The following NBDY variants were observed in gnomAD, a reference collection of about 807,000 sequenced individuals.
NBDY encodes P-body dissociating protein.
chrX:56,745,677 G>A (rs1334079739), intron 2 of NBDY, among the ~76,000 whole-genome samples: 1 of 110,919 alleles, frequency 9.0e-6, no homozygotes, highest in African/African-American at 3.3e-5. Flanking sequence ...GTCATGCATT[G>A]TATTTAGTTG....
At position 56,729,501 on chromosome X, in the gene NBDY, T is replaced by C; in HGVS notation, c.148T>C (p.Ser50Pro). 1 of 297,826 alleles carries C rather than the reference T, an allele frequency of 3.4e-6. No homozygotes were observed. Among genetic ancestry groups the C allele is most frequent in the Non-Finnish European group, 5.9e-6 (1 of 170,308 alleles). 24.5% of individuals were successfully genotyped at this position (297,826 alleles called of 1,213,427 possible). The change falls in exon 1 of 3, where the codon TCC (serine) becomes CCC (proline). Residue 50 changes from serine to proline, a missense_variant. Physicochemically the swap from Ser to Pro is moderately conservative, Grantham distance 74. Coordinates refer to ENST00000374922, the MANE Select transcript of NBDY (RefSeq NM_001348129.2). ...CAACGGAGGTAGTACCACTCTACCCTCCGCACCTCCTCCTGCATCAGCCGG... is the reference window on the plus strand; with the variant it reads ...CAACGGAGGTAGTACCACTCTACCCCCCGCACCTCCTCCTGCATCAGCCGG... ...TPNGGSTTLP[S>P]APPPASAGLK...
At chrX:56,807,211 C>G (rs955683165) in intron 2 of NBDY, among the ~76,000 whole-genome samples, 2 of 112,156 alleles carry the variant, frequency 1.8e-5, no homozygotes, top group African/African-American at 6.5e-5. Flanking sequence ...GTTTTGGTTA[C>G]TGTAGCCTTG....
chrX:56,753,522 T>G (rs138345916), intron 2 of NBDY, among the ~76,000 whole-genome samples: 1 of 111,064 alleles, frequency 9.0e-6, no homozygotes, highest in African/African-American at 3.3e-5. Context: ...TAGATGAGAG[T>G]TGAAGCCATG....
chrX:56,735,789 C>T (rs759019845), intron 2 of NBDY, among the ~76,000 whole-genome samples: 3 of 111,381 alleles, frequency 2.7e-5, no homozygotes, highest in African/African-American at 6.5e-5. Flanking sequence ...CTAGACAGTC[C>T]GTCTTTTCTG....
chrX:56,792,894 A>G (rs967973218), intron 2 of NBDY, among the ~76,000 whole-genome samples: 3 of 111,355 alleles, frequency 2.7e-5, no homozygotes, highest in African/African-American at 9.8e-5. Context: ...TCCTGGGTCA[A>G]GCTGCTTAAA....
intron 2 of NBDY, among the ~76,000 whole-genome samples, chrX:56,754,243 A>C (rs1251442678): frequency 9.0e-6 from 1 of 111,647 alleles, no homozygotes; most frequent in Admixed American, 9.5e-5. Context: ...ATAGTTGGAG[A>C]CTTAAATACC....
chrX:56,792,128 G>A (rs1222766903), intron 2 of NBDY, among the ~76,000 whole-genome samples: 1 of 111,071 alleles, frequency 9.0e-6, no homozygotes, highest in African/African-American at 3.3e-5. Flanking sequence ...CACTAGGCCT[G>A]GAGAAAGCTT....
At chrX:56,809,260 G>A (rs2069872406) in intron 2 of NBDY, among the ~76,000 whole-genome samples, 1 of 111,964 alleles carries the variant, frequency 8.9e-6, no homozygotes, top group South Asian at 3.7e-4. Context: ...TTCTGTAGAT[G>A]TCTATTAGGT....
intron 2 of NBDY, among the ~76,000 whole-genome samples, chrX:56,794,460 C>T (rs1390711154): frequency 2.7e-5 from 3 of 111,942 alleles, no homozygotes; most frequent in Non-Finnish European, 5.6e-5. Flanking sequence ...ACCCACCTCA[C>T]CTATAGCAGG....
intron 2 of NBDY, among the ~76,000 whole-genome samples, chrX:56,801,067 G>A (rs1387738384): frequency 8.9e-6 from 1 of 111,902 alleles, no homozygotes. Flanking sequence ...CTGCACCTCT[G>A]TCCTCTGTAG....
chrX:56,741,802 CTGTT>C (rs755187149), intron 2 of NBDY, among the ~76,000 whole-genome samples: 2 of 111,093 alleles, frequency 1.8e-5, no homozygotes, highest in Admixed American at 9.6e-5. Context: ...ACTTTATAGA[CTGTT>C]TGCTTTGCTG....
At chrX:56,748,965 T>A (rs1326679061) in intron 2 of NBDY, among the ~76,000 whole-genome samples, 1 of 107,554 alleles carries the variant, frequency 9.3e-6, no homozygotes, top group Non-Finnish European at 1.9e-5. Flanking sequence ...AACTTGCAGT[T>A]TTATTGACTT....
intron 2 of NBDY, among the ~76,000 whole-genome samples, chrX:56,758,092 G>A (rs1184825670): frequency 2.7e-5 from 3 of 111,297 alleles, no homozygotes; most frequent in Non-Finnish European, 5.7e-5. Flanking sequence ...TCAGCACTTT[G>A]GGAGGCCAAG....
At chrX:56,795,361 A>G (rs1433372622) in intron 2 of NBDY, among the ~76,000 whole-genome samples, 1 of 112,012 alleles carries the variant, frequency 8.9e-6, no homozygotes, top group East Asian at 2.8e-4. Context: ...GTCTCCAGGC[A>G]GACATAAGAA....
intron 2 of NBDY, among the ~76,000 whole-genome samples, chrX:56,750,604 G>A (rs769027076): frequency 9.0e-6 from 1 of 111,335 alleles, no homozygotes; most frequent in South Asian, 3.8e-4. Flanking sequence ...TACCAAAACT[G>A]AACTCTTCAT....
intron 2 of NBDY, among the ~76,000 whole-genome samples, chrX:56,796,864 G>A (rs2069794530): frequency 9.0e-6 from 1 of 111,340 alleles, no homozygotes; most frequent in Non-Finnish European, 1.9e-5. Flanking sequence ...TCTCGGTTGT[G>A]TGTCCTTTAA....
At chrX:56,730,669 G>C (rs749944188) in intron 1 of NBDY, among the ~76,000 whole-genome samples, 2 of 109,605 alleles carry the variant, frequency 1.8e-5, no homozygotes, top group Non-Finnish European at 3.8e-5. Context: ...AAACAGCTTG[G>C]CTATAATTTT....
intron 2 of NBDY, among the ~76,000 whole-genome samples, chrX:56,783,178 T>C (rs1318314155): frequency 1.8e-5 from 2 of 112,868 alleles, no homozygotes; most frequent in African/African-American, 3.2e-5. Context: ...CCTTGCTGGC[T>C]CTTGGCCTGC....
chrX:56,759,648 C>T, intron 2 of NBDY, among the ~76,000 whole-genome samples: 1 of 111,619 alleles, frequency 9.0e-6, no homozygotes, highest in Middle Eastern at 4.6e-3. Context: ...AGCTGAGCAC[C>T]AGTGCTGGGG....
Sources: gnomAD v4.1 joint callset for allele counts (sites outside exome capture counted in the v4.1 genomes callset) on GRCh38, gnomAD v4.1.1 for gene constraint, MANE v1.5 for transcripts, NCBI Gene and HGNC (gene_info 2026-07-23, HGNC 2026-07-21) for gene names.